The following CADM2 variants were observed in gnomAD, a reference collection of about 807,000 sequenced individuals.
The protein encoded by CADM2 is cell adhesion molecule 2.
Under a neutral mutation model 49.8 loss-of-function variants are expected in CADM2, and 12 were observed. That is an observed-to-expected ratio of 0.24 (90% CI 0.15 to 0.39). The LOEUF (loss-of-function observed/expected upper bound fraction) is 0.39. Ranked by LOEUF, CADM2 falls within the 10% of genes least tolerant of loss-of-function variation. The pLI is 1.00. For synonymous variants in CADM2, 214 were observed against 175.4 expected, an observed-to-expected ratio of 1.22 and a Z score of -1.74; for missense variants, 378 against 492.3, an observed-to-expected ratio of 0.77 and a Z score of 2.20.
At chr3:85,118,336 T>G (rs1207681809) in intron 1 of CADM2, among the ~76,000 whole-genome samples, 1 of 152,150 alleles carries the variant, frequency 6.6e-6, no homozygotes, top group Non-Finnish European at 1.5e-5. Context: ...TCTAACCATG[T>G]GTATTAGTCT....
At chr3:85,339,530 CT>C (rs943111641) in intron 1 of CADM2, among the ~76,000 whole-genome samples, 13 of 149,940 alleles carry the variant, frequency 8.7e-5, no homozygotes, top group Admixed American at 1.3e-4. Flanking sequence ...TTCCTTTCAT[CT>C]TTTTTTTCTC....
chr3:85,845,684 T>C (rs1184749252), intron 3 of CADM2, among the ~76,000 whole-genome samples: 1 of 152,194 alleles, frequency 6.6e-6, no homozygotes, highest in South Asian at 2.1e-4. Context: ...GCACAGGATG[T>C]AGGCCCAGCG....
At chr3:85,928,946 A>G (rs1316969819) in intron 6 of CADM2, among the ~76,000 whole-genome samples, 1 of 152,170 alleles carries the variant, frequency 6.6e-6, no homozygotes, top group Non-Finnish European at 1.5e-5. Context: ...TTTAATAAAT[A>G]CAACGTTGAA....
intron 2 of CADM2, among the ~76,000 whole-genome samples, chr3:85,797,024 G>A (rs564687522): frequency 4.0e-4 from 60 of 151,558 alleles, no homozygotes; most frequent in African/African-American, 1.4e-3. Context: ...AACTCAGGAG[G>A]CGGAGGTTGC....
At chr3:85,152,408 T>C (rs978003940) in intron 1 of CADM2, among the ~76,000 whole-genome samples, 2 of 152,182 alleles carry the variant, frequency 1.3e-5, no homozygotes. Context: ...CTTATCCTGC[T>C]TCTTACTGTG....
At chr3:85,764,337 T>G (rs1200446279) in intron 2 of CADM2, among the ~76,000 whole-genome samples, 2 of 152,076 alleles carry the variant, frequency 1.3e-5, no homozygotes, top group African/African-American at 4.8e-5. Flanking sequence ...TAAAAAGAAT[T>G]ATCAATTATC....
chr3:85,341,617 A>G (rs1160944778), intron 1 of CADM2, among the ~76,000 whole-genome samples: 2 of 152,008 alleles, frequency 1.3e-5, no homozygotes, highest in Non-Finnish European at 2.9e-5. Flanking sequence ...AAAATGAACT[A>G]GAGTGCAGCA....
chr3:85,072,088 G>A (rs1449824582), intron 1 of CADM2, among the ~76,000 whole-genome samples: 3 of 150,534 alleles, frequency 2.0e-5, no homozygotes, highest in Non-Finnish European at 3.0e-5. Flanking sequence ...AATCAAACTG[G>A]GTAATCTTCA....
chr3:85,980,414 T>C (rs2108667076), intron 8 of CADM2, among the ~76,000 whole-genome samples: 1 of 151,654 alleles, frequency 6.6e-6, no homozygotes, highest in East Asian at 1.9e-4. Flanking sequence ...TTCTAATGTC[T>C]GATAATTTTC....
In CADM2 at chr3:85,507,182, AT is replaced by A. The variant is rs71108295; in HGVS notation, c.62-219321del. Among the ~76,000 whole-genome samples, 1,031 of 127,232 alleles carry A rather than the reference AT, an allele frequency of 8.1e-3. 4 individuals are homozygous for A. The highest frequency in any genetic ancestry group is 0.022 in the East Asian group (96 of 4,340). 83.5% of individuals were successfully genotyped at this position (127,232 alleles called of 152,430 possible). On this transcript the variant is annotated intron_variant, in intron 1 of 9. Coordinates refer to ENST00000383699, the MANE Select transcript of CADM2 (RefSeq NM_001167675.2). ...AGGTTTTTGCCCTGTCACCCAGTGT[AT>A]TTTTTTTTTTTTTTTTTTGAGACAG...
At chr3:85,020,035 T>C (rs1158175816) in intron 1 of CADM2, among the ~76,000 whole-genome samples, 1 of 152,176 alleles carries the variant, frequency 6.6e-6, no homozygotes, top group Non-Finnish European at 1.5e-5. Context: ...AAGTACTATT[T>C]TAAGTGTGTA....
chr3:85,679,442 T>C (rs114383854), intron 1 of CADM2, among the ~76,000 whole-genome samples: 2,160 of 152,256 alleles, frequency 0.014, 50 homozygotes, highest in African/African-American at 0.049. Flanking sequence ...TCTATAATAA[T>C]GTTGTAGTTC....
intron 1 of CADM2, among the ~76,000 whole-genome samples, chr3:85,133,996 G>T (rs1256970686): frequency 8.5e-6 from 1 of 117,440 alleles, no homozygotes; most frequent in Non-Finnish European, 2.1e-5. Context: ...CAGGTCCCGA[G>T]CCCTGCCCCG....
At chr3:85,182,992 A>C (rs913289291) in intron 1 of CADM2, among the ~76,000 whole-genome samples, 3 of 152,130 alleles carry the variant, frequency 2.0e-5, no homozygotes, top group African/African-American at 7.2e-5. Flanking sequence ...AATCAAGTGA[A>C]TACAATTCAA....
intron 1 of CADM2, among the ~76,000 whole-genome samples, chr3:85,684,444 C>CAGAG (rs112163774): frequency 4.0e-4 from 59 of 148,754 alleles, no homozygotes; most frequent in Non-Finnish European, 7.0e-4. Flanking sequence ...CACACTTTGA[C>CAGAG]AGAGAGAGAG....
At chr3:85,238,042 A>G (rs963621628) in intron 1 of CADM2, among the ~76,000 whole-genome samples, 3 of 151,958 alleles carry the variant, frequency 2.0e-5, no homozygotes, top group African/African-American at 7.2e-5. Context: ...TATGAATAAC[A>G]CCTACTTGAT....
intron 1 of CADM2, among the ~76,000 whole-genome samples, chr3:85,325,089 T>G (rs1171267281): frequency 6.6e-6 from 1 of 152,218 alleles, no homozygotes; most frequent in Non-Finnish European, 1.5e-5. Flanking sequence ...ATGTTCCACA[T>G]GAAATGGTAA....
chr3:85,928,810 A>G (rs1412502442), intron 6 of CADM2, among the ~76,000 whole-genome samples: 1 of 152,126 alleles, frequency 6.6e-6, no homozygotes, highest in Admixed American at 6.5e-5. Context: ...CACAACACTT[A>G]AAGAGCTCTT....
chr3:85,380,861 A>T (rs554905082), intron 1 of CADM2, among the ~76,000 whole-genome samples: 20 of 152,182 alleles, frequency 1.3e-4, no homozygotes, highest in African/African-American at 4.8e-4. Flanking sequence ...ATTTGATTCT[A>T]ACTAATTAAA....
Sources: gnomAD v4.1 joint callset for allele counts (sites outside exome capture counted in the v4.1 genomes callset) on GRCh38, gnomAD v4.1.1 for gene constraint, MANE v1.5 for transcripts, NCBI Gene and HGNC (gene_info 2026-07-23, HGNC 2026-07-21) for gene names.